The following EPG5 variants were observed in gnomAD, a reference collection of about 807,000 sequenced individuals.
EPG5 encodes ectopic P granules protein 5 homolog.
EPG5 carries 159 observed loss-of-function variants against 302.7 expected under a neutral mutation model. The observed-to-expected ratio is 0.53, with a 90% CI of 0.46 to 0.60. The LOEUF (loss-of-function observed/expected upper bound fraction) is 0.60. EPG5 is among the 20% of genes least tolerant of loss of function. The probability of loss-of-function intolerance (pLI) is 0.00; values close to 1 mark genes in which losing one functional copy is unlikely to be tolerated. For missense variants in EPG5, 2,896 were observed against 3,092.4 expected (o/e 0.94, Z 1.51); for synonymous variants, 1,158 against 1,136.8 (o/e 1.02, Z -0.37).
At chr18:45,942,112 C>T (rs975057044) in intron 9 of EPG5, among the ~76,000 whole-genome samples, 1 of 152,068 alleles carries the variant, frequency 6.6e-6, no homozygotes, top group Non-Finnish European at 1.5e-5. Flanking sequence ...ATAGTCCCAG[C>T]TATTCGGGAG....
chr18:45,952,318 A>G, intron 3 of EPG5, 82 bp downstream of exon 3: 2 of 1,503,378 alleles, frequency 1.3e-6, no homozygotes, highest in East Asian at 2.3e-5. Context: ...ACCAATTACT[A>G]TACAGTCAAT....
chr18:45,866,710 T>C, intron 38 of EPG5, 88 bp downstream of exon 38: 4 of 1,019,182 alleles, frequency 3.9e-6, no homozygotes, highest in Non-Finnish European at 4.6e-6. Context: ...TGCTGAGCAC[T>C]TCCTAGCTTC....
At chr18:45,817,999 C>T in the EPG5 span, among the ~76,000 whole-genome samples, 1 of 152,172 alleles carries the variant, frequency 6.6e-6, no homozygotes, top group African/African-American at 2.4e-5. Context: ...TGTATGCATA[C>T]ACAAGCTTAT....
chr18:45,957,854 A>G (rs547140355), intron 1 of EPG5, among the ~76,000 whole-genome samples: 1 of 152,326 alleles, frequency 6.6e-6, no homozygotes, highest in South Asian at 2.1e-4. Context: ...GCAACCATCA[A>G]CTAGAACTCG....
chr18:45,924,246 A>G (rs1376503415), intron 14 of EPG5, among the ~76,000 whole-genome samples: 1 of 152,192 alleles, frequency 6.6e-6, no homozygotes, highest in Non-Finnish European at 1.5e-5. Context: ...CTAACTCTTA[A>G]CAAAGGCATA....
intron 27 of EPG5, among the ~76,000 whole-genome samples, chr18:45,891,498 C>CAA (rs763632848): frequency 1.2e-3 from 61 of 50,140 alleles, no homozygotes; most frequent in East Asian, 2.8e-3. Context: ...GACTCCGTCT[C>CAA]AAAAAAAAAA....
chr18:45,901,251 T>C (rs1407007525), intron 25 of EPG5, 84 bp from the exon 26 acceptor site: 7 of 1,209,292 alleles, frequency 5.8e-6, no homozygotes, highest in Non-Finnish European at 8.1e-6. Flanking sequence ...TCAGTAGAAT[T>C]CCTATCCTCA....
chr18:45,902,845 T>C (rs770442544), intron 25 of EPG5, among the ~76,000 whole-genome samples: 1 of 152,224 alleles, frequency 6.6e-6, no homozygotes, highest in African/African-American at 2.4e-5. Context: ...ATGTGGCCCA[T>C]GCAGGCAGGT....
At chr18:45,815,865 C>T in the EPG5 span, among the ~76,000 whole-genome samples, 1 of 152,172 alleles carries the variant, frequency 6.6e-6, no homozygotes, top group East Asian at 1.9e-4. Context: ...AATCTAGAAG[C>T]ATCACATTAC....
intron 25 of EPG5, among the ~76,000 whole-genome samples, chr18:45,902,991 T>C (rs1305285776): frequency 6.6e-6 from 1 of 152,208 alleles, no homozygotes; most frequent in African/African-American, 2.4e-5. Context: ...GCTTCATAAA[T>C]TACTAGCTTA....
intron 21 of EPG5, 73 bp from the exon 22 acceptor site, chr18:45,912,529 T>C: frequency 4.3e-6 from 6 of 1,382,854 alleles, no homozygotes; most frequent in Non-Finnish European, 5.9e-6. Context: ...TTCTAAGTGA[T>C]CCAACTGAAA....
chr18:45,915,654 G>T, intron 19 of EPG5, 33 bp from the exon 20 acceptor site: 1 of 1,537,606 alleles, frequency 6.5e-7, no homozygotes, highest in Non-Finnish European at 9.0e-7. Context: ...GAGAGAGGAG[G>T]TTTTAAGGAA....
the EPG5 span, among the ~76,000 whole-genome samples, chr18:45,837,271 G>A: frequency 6.6e-6 from 1 of 152,236 alleles, no homozygotes; most frequent in South Asian, 2.1e-4. Flanking sequence ...GAAGAGCCGC[G>A]GGAACGCAGG....
chr18:45,915,054 G>A (rs774025046), intron 20 of EPG5, among the ~76,000 whole-genome samples: 10 of 152,100 alleles, frequency 6.6e-5, no homozygotes, highest in South Asian at 2.1e-4. Context: ...CGAGGTGGGC[G>A]GATCACCTGA....
rs1056282162 is a variant in EPG5 at position 45,850,667 on chromosome 18, T to G, written c.*1800A>C. On this transcript the variant is annotated 3_prime_UTR_variant, in exon 44 of 44. Transcript: ENST00000282041. ...CAGTTACAACCAAAGATAAATGATTTTATTTTTTATAATTTTTACAGACCA... is the reference window on the plus strand; with the variant it reads ...CAGTTACAACCAAAGATAAATGATTGTATTTTTTATAATTTTTACAGACCA... 1 of 152,648 alleles carries G rather than the reference T, an allele frequency of 6.6e-6. No homozygotes were observed. Among genetic ancestry groups the G allele is most frequent in the Non-Finnish European group, 1.5e-5 (1 of 68,044 alleles). 9.5% of individuals were successfully genotyped at this position (152,648 alleles called of 1,614,324 possible). A position where few individuals can be genotyped will look rare whatever the true frequency, so the allele number is the denominator to read the frequency against.
chr18:45,946,791 C>T, intron 6 of EPG5, 23 bp from the exon 7 acceptor site: 1 of 1,595,790 alleles, frequency 6.3e-7, no homozygotes, highest in Non-Finnish European at 8.6e-7. Context: ...AATAATCACT[C>T]CCATCACTTA....
intron 17 of EPG5, 124 bp from the exon 18 acceptor site, chr18:45,916,706 T>A: frequency 2.1e-6 from 2 of 951,858 alleles, no homozygotes; most frequent in Non-Finnish European, 3.0e-6. Context: ...AAGCACTATT[T>A]AAGAAGGGAT....
At chr18:45,822,149 G>C in the EPG5 span, among the ~76,000 whole-genome samples, 1 of 152,118 alleles carries the variant, frequency 6.6e-6, no homozygotes, top group African/African-American at 2.4e-5. Context: ...GAATCAACCT[G>C]GGTGTCCACC....
Position 45,952,603 on chromosome 18 carries a change from C to A in EPG5, c.1049G>T (p.Arg350Leu), listed in dbSNP as rs761712550. 1.3e-5 allele frequency: 21 copies of A among 1,614,072 alleles called. No homozygotes were observed. In the African/African-American group the frequency reaches 2.7e-4, roughly 20 times the overall value. Residue 350 changes from arginine to leucine, a missense_variant, in exon 3 of 44, where the codon CGC becomes CTC. Physicochemically the swap from Arg to Leu is moderately radical, Grantham distance 102. Around this residue, in one of 5 missense-constraint regions of EPG5, gnomAD observed 1,390 missense variants for 1,430.0 expected, o/e 0.97. Transcript: ENST00000282041. Reference protein sequence around the residue: ...ADQVKVFSYHRYQRVEMNENA... With the variant: ...ADQVKVFSYHLYQRVEMNENA... Reference sequence around the variant, plus strand: ...TTCATTCATTTCTACTCTTTGGTAGCGATGATAGCTGAAAACTTTCACTTG... The same window carrying A: ...TTCATTCATTTCTACTCTTTGGTAGAGATGATAGCTGAAAACTTTCACTTG...
Sources: allele counts gnomAD v4.1 joint callset (sites outside exome capture counted in the v4.1 genomes callset), GRCh38; gene constraint gnomAD v4.1.1; regional missense constraint gnomAD v4.1.1; transcripts MANE v1.5; gene names NCBI Gene and HGNC (gene_info 2026-07-23, HGNC 2026-07-21).